Variants in BICD1 observed in about 807,000 individuals in gnomAD.
BICD1 encodes the protein protein bicaudal D homolog 1.
BICD1 carries 35 observed loss-of-function variants against 92.5 expected under a neutral mutation model. The observed-to-expected ratio is 0.38, with a 90% CI of 0.29 to 0.50. BICD1 has a LOEUF of 0.50. BICD1 is among the 20% of genes least tolerant of loss of function. BICD1 has a pLI of 0.93. For missense variants in BICD1, 950 were observed against 1,189.8 expected (o/e 0.80, Z 2.97); for synonymous variants, 429 against 465.1 (o/e 0.92, Z 1.00).
chr12:32,205,111 T>C (rs2121549670), intron 1 of BICD1, among the ~76,000 whole-genome samples: 1 of 152,318 alleles, frequency 6.6e-6, no homozygotes, highest in East Asian at 1.9e-4. Context: ...TTTTCTTTGG[T>C]ATTTTCATAC....
At chr12:32,372,271 G>C (rs1384938223) in intron 9 of BICD1, among the ~76,000 whole-genome samples, 1 of 152,192 alleles carries the variant, frequency 6.6e-6, no homozygotes, top group Non-Finnish European at 1.5e-5. Context: ...CCTGAGGTCA[G>C]GAGTTCGAGA....
In BICD1 at chr12:32,222,622, G is replaced by A. The variant is rs77718449; in HGVS notation, c.426+6163G>A. 8.4e-3 allele frequency among the ~76,000 whole-genome samples: 1,275 copies of A among 152,288 alleles called. 9 individuals are homozygous for A. The highest frequency in any genetic ancestry group is 9.9e-3 in the Non-Finnish European group (674 of 68,028). ...CAATGAAATTTCTAGAAAAGTATAT[G>A]AAGTTTTAATACGATAGCTGCTATG... On this transcript the variant is annotated intron_variant, in intron 2 of 9. Coordinates refer to ENST00000652176, the MANE Select transcript of BICD1 (RefSeq NM_001714.4).
chr12:32,168,454 G>A (rs900473535), intron 1 of BICD1, among the ~76,000 whole-genome samples: 10 of 152,124 alleles, frequency 6.6e-5, no homozygotes, highest in Admixed American at 1.3e-4. Context: ...GTTTCAACCC[G>A]GGCTTCATGG....
intron 1 of BICD1, among the ~76,000 whole-genome samples, chr12:32,214,224 C>T (rs1209742351): frequency 6.6e-6 from 1 of 152,154 alleles, no homozygotes; most frequent in Non-Finnish European, 1.5e-5. Context: ...TTATTTTGCT[C>T]CAGCCCTAGA....
At chr12:32,198,073 C>T (rs572853007) in intron 1 of BICD1, among the ~76,000 whole-genome samples, 2 of 151,968 alleles carry the variant, frequency 1.3e-5, no homozygotes, top group African/African-American at 4.8e-5. Flanking sequence ...GGCGTGGTGG[C>T]TCATGCCTGT....
At chr12:32,349,278 C>T (rs1387340694) in intron 8 of BICD1, among the ~76,000 whole-genome samples, 1 of 152,170 alleles carries the variant, frequency 6.6e-6, no homozygotes, top group South Asian at 2.1e-4. Flanking sequence ...ATAACAACCA[C>T]CTCTATTACA....
chr12:32,142,453 CCTATCTATCTATCTAT>C lies in BICD1; in HGVS notation c.213+34930_213+34945del, dbSNP rs71065001. On this transcript the variant is annotated intron_variant, in intron 1 of 9. Coordinates refer to ENST00000652176, the MANE Select transcript of BICD1 (RefSeq NM_001714.4). ...AAAACAAAAAACCCCACCTATCTAT[CCTATCTATCTATCTAT>C]CTATCTATCTATCTATCTATTGGTC... is the stretch of plus-strand genomic sequence containing the variant. Among the ~76,000 whole-genome samples the C allele has an allele frequency of 2.7e-4, 30 of 112,894 alleles. 3 individuals are homozygous for C. The East Asian group carries it at 5.9e-3, about 22-fold the overall frequency. 74.1% of individuals were successfully genotyped at this position (112,894 alleles called of 152,430 possible).
intron 2 of BICD1, among the ~76,000 whole-genome samples, chr12:32,239,514 C>T (rs1168498799): frequency 2.0e-5 from 3 of 148,044 alleles, no homozygotes; most frequent in Non-Finnish European, 4.5e-5. Flanking sequence ...TGCAGTGAGC[C>T]GAGAGCGCAC....
In BICD1 at chr12:32,168,007, CGTGTGT is replaced by C. The variant is rs10568100; in HGVS notation, c.214-48215_214-48210del. 8.5e-3 allele frequency among the ~76,000 whole-genome samples: 1,267 copies of C among 149,884 alleles called. 20 individuals carry two copies. Among genetic ancestry groups the C allele is most frequent in the African/African-American group, 0.03 (1,209 of 40,720 alleles). On this transcript the variant is annotated intron_variant, in intron 1 of 9. Transcript: ENST00000652176. ...TAACATGAAGGTTAAAAGGAGATGG[CGTGTGT>C]GTGTGTGTGTGTGTGTGTGTGTGTA...
chr12:32,234,060 A>G (rs7959439), intron 2 of BICD1, among the ~76,000 whole-genome samples: 18,095 of 152,186 alleles, frequency 0.12, 1,725 homozygotes, highest in African/African-American at 0.26. Flanking sequence ...TTTTTAATGC[A>G]TATCCAACAA....
intron 1 of BICD1, among the ~76,000 whole-genome samples, chr12:32,140,003 T>C (rs1035041947): frequency 6.6e-6 from 1 of 152,196 alleles, no homozygotes; most frequent in Non-Finnish European, 1.5e-5. Flanking sequence ...TCAGCAGCTC[T>C]CTGTTCAGTG....
chr12:32,222,237 G>A (rs1339362940), intron 2 of BICD1, among the ~76,000 whole-genome samples: 1 of 152,196 alleles, frequency 6.6e-6, no homozygotes, highest in African/African-American at 2.4e-5. Context: ...CCTTCAGGTG[G>A]AATGCAGAAG....
chr12:32,172,430 G>C (rs749034091), intron 1 of BICD1, among the ~76,000 whole-genome samples: 6 of 152,170 alleles, frequency 3.9e-5, no homozygotes, highest in Non-Finnish European at 7.3e-5. Context: ...ACACTTTGAT[G>C]GTGAAGAAAA....
intron 1 of BICD1, 72 bp downstream of exon 1, chr12:32,107,616 A>G: frequency 7.0e-7 from 1 of 1,438,098 alleles, no homozygotes; most frequent in East Asian, 2.5e-5. Flanking sequence ...CATCATGATC[A>G]AGAAGTCATA....
intron 1 of BICD1, among the ~76,000 whole-genome samples, chr12:32,138,837 A>ATT (rs1423301174): frequency 1.6e-4 from 24 of 152,290 alleles, no homozygotes; most frequent in African/African-American, 5.8e-4. Context: ...GAGCATCTGT[A>ATT]TATGTATGTG....
intron 8 of BICD1, among the ~76,000 whole-genome samples, chr12:32,362,790 G>A (rs1058640): frequency 0.39 from 59,652 of 152,026 alleles, 11,859 homozygotes; most frequent in East Asian, 0.44. Context: ...GGATTAATCA[G>A]TGGAGGCTTG....
In BICD1 at chr12:32,245,009, C is replaced by G. The variant is rs371684126; in HGVS notation, c.426+28550C>G. ...AAATATAGACTCTGAAGACAAAGAC[C>G]TGGGCTCAGAATCAGGCCCCACCAC... is the stretch of plus-strand genomic sequence containing the variant. On this transcript the variant is annotated intron_variant, in intron 2 of 9. Coordinates refer to ENST00000652176, the MANE Select transcript of BICD1 (RefSeq NM_001714.4). Among the ~76,000 whole-genome samples, 23 of 152,236 alleles carry G rather than the reference C, an allele frequency of 1.5e-4. 1 individual carries two copies. The East Asian group carries it at 3.5e-3, about 23-fold the overall frequency.
At chr12:32,112,892 A>G (rs530399704) in intron 1 of BICD1, among the ~76,000 whole-genome samples, 1 of 152,320 alleles carries the variant, frequency 6.6e-6, no homozygotes, top group South Asian at 2.1e-4. Context: ...TCCATTTAGA[A>G]CTAGGTTCTT....
At chr12:32,107,990 G>A (rs923826357) in intron 1 of BICD1, 4 of 405,712 alleles carry the variant, frequency 9.9e-6, no homozygotes, top group Non-Finnish European at 1.8e-5. Context: ...GCTTTCCTCT[G>A]GATGTAACCA....
Sources: allele counts gnomAD v4.1 joint callset (sites outside exome capture counted in the v4.1 genomes callset), GRCh38; gene constraint gnomAD v4.1.1; transcripts MANE v1.5; gene names NCBI Gene and HGNC (gene_info 2026-07-23, HGNC 2026-07-21).